DNM3: variants seen among roughly 807,000 people sequenced by gnomAD.
DNM3 encodes dynamin 3.
In DNM3, 47 loss-of-function variants were observed where a neutral mutation model predicts 101.6. The observed-to-expected ratio is 0.46, with a 90% CI of 0.37 to 0.59. The LOEUF (loss-of-function observed/expected upper bound fraction) is 0.59. Among genes scored for constraint, DNM3 ranks in the 20% least tolerant of loss-of-function variants. The pLI is 0.00. For missense variants in DNM3, 849 were observed against 1,085.7 expected (o/e 0.78, Z 3.06); for synonymous variants, 385 against 387.9 (o/e 0.99, Z 0.09).
At chr1:172,337,866 T>TTTTA (rs2066501774) in intron 17 of DNM3, among the ~76,000 whole-genome samples, 24 of 113,130 alleles carry the variant, frequency 2.1e-4, no homozygotes, top group African/African-American at 6.9e-4. Context: ...TTTTATTTTA[T>TTTTA]TTTTATTTTA....
chr1:171,913,291 A>G (rs1422455237), intron 1 of DNM3, among the ~76,000 whole-genome samples: 4 of 152,246 alleles, frequency 2.6e-5, no homozygotes, highest in Non-Finnish European at 5.9e-5. Flanking sequence ...AAGTAAAAGC[A>G]TTGTATTTCC....
intron 15 of DNM3, among the ~76,000 whole-genome samples, chr1:172,271,991 A>T (rs933849789): frequency 6.6e-6 from 1 of 152,116 alleles, no homozygotes; most frequent in African/African-American, 2.4e-5. Flanking sequence ...CATTGGCCAC[A>T]AATAGTGTCA....
intron 17 of DNM3, among the ~76,000 whole-genome samples, chr1:172,332,563 C>A (rs2066236308): frequency 6.6e-6 from 1 of 152,160 alleles, no homozygotes; most frequent in Non-Finnish European, 1.5e-5. Flanking sequence ...CCCACCTTAG[C>A]CTCCCAAAGT....
intron 17 of DNM3, among the ~76,000 whole-genome samples, chr1:172,344,908 A>G (rs1026659629): frequency 6.6e-6 from 1 of 152,246 alleles, no homozygotes; most frequent in Non-Finnish European, 1.5e-5. Context: ...AAAAAAAATC[A>G]CAAAATGTGT....
intron 1 of DNM3, among the ~76,000 whole-genome samples, chr1:171,906,912 A>G (rs1298567741): frequency 1.3e-5 from 2 of 152,232 alleles, no homozygotes; most frequent in African/African-American, 4.8e-5. Flanking sequence ...TATAGCCAAG[A>G]TAATACAGTC....
chr1:171,870,717 A>C (rs2035193806), intron 1 of DNM3, among the ~76,000 whole-genome samples: 1 of 152,206 alleles, frequency 6.6e-6, no homozygotes, highest in African/African-American at 2.4e-5. Flanking sequence ...GACACAAAAC[A>C]ATAAAAAAAC....
chr1:171,998,439 CT>C (rs2046147386), intron 4 of DNM3, among the ~76,000 whole-genome samples: 1 of 152,122 alleles, frequency 6.6e-6, no homozygotes. Context: ...GTAATTTTCA[CT>C]TTTCCATATC....
intron 9 of DNM3, among the ~76,000 whole-genome samples, chr1:172,046,153 C>G (rs1456522526): frequency 3.0e-4 from 46 of 152,182 alleles, no homozygotes; most frequent in Non-Finnish European, 2.8e-4. Flanking sequence ...TTGGAACCAA[C>G]CCAAATGTCC....
rs2062547369 is a variant in DNM3 at position 172,259,297 on chromosome 1, C to T, written c.1769+5615C>T. On this transcript the variant is annotated intron_variant, in intron 15 of 20. Coordinates refer to ENST00000627582, the MANE Select transcript of DNM3 (RefSeq NM_015569.5). ...AATATGCAGTTTAAATCCAATGTTT[C>T]TTCGTTAATTTTCAGTCTAGATGAT... is the stretch of plus-strand genomic sequence containing the variant. Among the ~76,000 whole-genome samples the T allele has an allele frequency of 3.3e-5, 5 of 152,058 alleles. No homozygotes were observed. In the South Asian group the frequency reaches 1.0e-3, roughly 32 times the overall value.
chr1:172,247,047 G>A (rs563541180), intron 14 of DNM3, among the ~76,000 whole-genome samples: 12 of 152,056 alleles, frequency 7.9e-5, no homozygotes, highest in East Asian at 5.8e-4. Context: ...AACATTTATC[G>A]TCCCTGGGTG....
chr1:172,136,085 C>T (rs2057211276), intron 14 of DNM3, among the ~76,000 whole-genome samples: 1 of 152,028 alleles, frequency 6.6e-6, no homozygotes, highest in South Asian at 2.1e-4. Context: ...TAACCTTATA[C>T]TATTGAGGAA....
intron 17 of DNM3, 82 bp downstream of exon 17, chr1:172,323,422 T>C: frequency 1.3e-6 from 2 of 1,481,666 alleles, no homozygotes; most frequent in Non-Finnish European, 9.2e-7. Flanking sequence ...AGTGTTCCTG[T>C]GCATGCTGGA....
chr1:172,199,812 C>T (rs2060088722), intron 14 of DNM3, among the ~76,000 whole-genome samples: 1 of 42,108 alleles, frequency 2.4e-5, no homozygotes, highest in South Asian at 5.7e-4. Context: ...TGTGAGATAG[C>T]ATGTAATGAC....
chr1:172,231,842 A>C (rs2061348995), intron 14 of DNM3, among the ~76,000 whole-genome samples: 1 of 152,226 alleles, frequency 6.6e-6, no homozygotes, highest in Non-Finnish European at 1.5e-5. Flanking sequence ...AAAGGGTATC[A>C]GTGATGGAAG....
chr1:172,257,309 G>A lies in DNM3; in HGVS notation c.1769+3627G>A, dbSNP rs12734388. Among the ~76,000 whole-genome samples the A allele has an allele frequency of 7.0e-3, 1,066 of 152,104 alleles. 6 individuals are homozygous for A. Among genetic ancestry groups the A allele is most frequent in the Admixed American group, 0.012 (176 of 15,256 alleles). On this transcript the variant is annotated intron_variant, in intron 15 of 20. Transcript: ENST00000627582. ...TACTATCTAGAAAGGGGAACAGGCGGGGAGACAAATAAAAACTCACAAAGA... is the reference window on the plus strand; with the variant it reads ...TACTATCTAGAAAGGGGAACAGGCGAGGAGACAAATAAAAACTCACAAAGA...
chr1:172,072,050 C>T lies in DNM3; in HGVS notation c.1422+3145C>T, dbSNP rs145868663. Among the ~76,000 whole-genome samples the T allele has an allele frequency of 3.9e-3, 592 of 152,136 alleles. 7 individuals are homozygous for T. Among genetic ancestry groups the T allele is most frequent in the African/African-American group, 0.014 (565 of 41,494 alleles). On this transcript the variant is annotated intron_variant, in intron 11 of 20. Transcript: ENST00000627582. ...TACAGTCCAAGTTAATGTGTGTGAA[C>T]GTCCAAAAGCTATTCATGACAGCCT...
chr1:172,237,754 C>A (rs2061599215), intron 14 of DNM3, among the ~76,000 whole-genome samples: 1 of 152,078 alleles, frequency 6.6e-6, no homozygotes, highest in Non-Finnish European at 1.5e-5. Flanking sequence ...AAAAAGCCAA[C>A]CAAAATTACA....
intron 12 of DNM3, among the ~76,000 whole-genome samples, chr1:172,087,685 T>C (rs548615063): frequency 1.3e-5 from 2 of 152,310 alleles, no homozygotes; most frequent in South Asian, 2.1e-4. Context: ...TTCATCTATT[T>C]CTTTCTATCA....
At chr1:172,007,665 G>T (rs530196340) in intron 4 of DNM3, among the ~76,000 whole-genome samples, 17 of 151,768 alleles carry the variant, frequency 1.1e-4, no homozygotes, top group Non-Finnish European at 2.4e-4. Flanking sequence ...TGGCTCTTTT[G>T]ATTATGCCCA....
Sources: gnomAD v4.1 joint callset for allele counts (sites outside exome capture counted in the v4.1 genomes callset) on GRCh38, gnomAD v4.1.1 for gene constraint, MANE v1.5 for transcripts, NCBI Gene and HGNC (gene_info 2026-07-23, HGNC 2026-07-21) for gene names.